The following ACACA variants were observed in gnomAD, a reference collection of about 807,000 sequenced individuals.
ACACA encodes acetyl-CoA carboxylase alpha, also known as acetyl-CoA carboxylase 1.
ACACA carries 103 observed loss-of-function variants against 296.1 expected under a neutral mutation model. That is an observed-to-expected ratio of 0.35 (90% CI 0.30 to 0.41). The LOEUF (loss-of-function observed/expected upper bound fraction) is 0.41. Ranked by LOEUF, ACACA falls within the 10% of genes least tolerant of loss-of-function variation. The pLI is 1.00. For missense variants in ACACA, 1,554 were observed against 2,989.7 expected (o/e 0.52, Z 11.20); for synonymous variants, 953 against 1,038.6 (o/e 0.92, Z 1.58).
intron 50 of ACACA, among the ~76,000 whole-genome samples, chr17:37,118,979 C>T (rs7215365): frequency 2.0e-5 from 3 of 151,882 alleles, no homozygotes; most frequent in Non-Finnish European, 4.4e-5. Flanking sequence ...TCTGAACTCC[C>T]GTTAGGATAA....
At chr17:37,143,991 G>A in intron 45 of ACACA, 1 of 827,036 alleles carries the variant, frequency 1.2e-6, no homozygotes, top group African/African-American at 1.7e-5. Flanking sequence ...ACAACAGGAA[G>A]AACGCTGAAG....
chr17:37,206,834 CTG>C lies in ACACA; in HGVS notation c.3895_3896del (p.Gln1299GlufsTer6). On this transcript the variant is annotated frameshift_variant, in exon 32 of 56. Transcript: ENST00000616317. LOFTEE classifies it high-confidence loss of function. Reference sequence around the variant, plus strand: ...GACCTGCCTCAGGGAATGTGGGACTCTGGGGTGGGGAGTCAGAGAAGCAGCCC... The same window carrying C: ...GACCTGCCTCAGGGAATGTGGGACTCGGGTGGGGAGTCAGAGAAGCAGCCC... ...VMGCFSDSPP[Q>X]SPTFPEAGHT... is the part of the protein sequence containing the mutation. 1 of 1,613,902 alleles carries C rather than the reference CTG, an allele frequency of 6.2e-7. No homozygotes were observed. The highest frequency in any genetic ancestry group is 8.5e-7 in the Non-Finnish European group (1 of 1,179,820).
intron 29 of ACACA, among the ~76,000 whole-genome samples, chr17:37,217,024 A>G (rs2079029451): frequency 1.3e-5 from 2 of 151,968 alleles, no homozygotes; most frequent in African/African-American, 4.8e-5. Flanking sequence ...GCACTTTGGG[A>G]GGCCGAGGCA....
chr17:37,390,169 T>C (rs1309026670), intron 1 of ACACA, among the ~76,000 whole-genome samples: 13,332 of 55,994 alleles, frequency 0.24, 2,447 homozygotes, highest in East Asian at 0.77. Flanking sequence ...TATATATATA[T>C]ATATATACAC....
intron 24 of ACACA, among the ~76,000 whole-genome samples, chr17:37,235,415 G>A (rs1286895954): frequency 6.6e-6 from 1 of 152,020 alleles, no homozygotes; most frequent in South Asian, 2.1e-4. Flanking sequence ...GGGGAGGTGG[G>A]TGTACCTTAA....
At chr17:37,096,690 CA>C (rs1440062185) in intron 54 of ACACA, among the ~76,000 whole-genome samples, 1 of 152,184 alleles carries the variant, frequency 6.6e-6, no homozygotes, top group Admixed American at 6.5e-5. Context: ...TGGATAGGAA[CA>C]ACATTTGCCT....
intron 41 of ACACA, among the ~76,000 whole-genome samples, chr17:37,164,969 G>A (rs1398073584): frequency 1.3e-5 from 2 of 152,122 alleles, no homozygotes; most frequent in African/African-American, 2.4e-5. Context: ...GACTCTAACT[G>A]TGTCACTTGG....
At chr17:37,172,731 T>C (rs1157054602) in intron 41 of ACACA, among the ~76,000 whole-genome samples, 1 of 152,220 alleles carries the variant, frequency 6.6e-6, no homozygotes, top group African/African-American at 2.4e-5. Flanking sequence ...TAATCATTTA[T>C]GGATAATCAT....
intron 24 of ACACA, among the ~76,000 whole-genome samples, chr17:37,237,657 T>C (rs1487330804): frequency 6.6e-6 from 1 of 152,228 alleles, no homozygotes; most frequent in African/African-American, 2.4e-5. Context: ...ATTTCTCTAT[T>C]AGGATGTCTT....
At chr17:37,397,101 T>C (rs1332724931) in intron 1 of ACACA, among the ~76,000 whole-genome samples, 2 of 149,226 alleles carry the variant, frequency 1.3e-5, no homozygotes, top group East Asian at 4.1e-4. Context: ...AGTGTTCTCA[T>C]TGTTCAATTT....
chr17:37,155,331 A>C (rs725038), intron 43 of ACACA, among the ~76,000 whole-genome samples: 51,543 of 152,016 alleles, frequency 0.34, 9,175 homozygotes, highest in East Asian at 0.44. Context: ...TTCTTGTTAT[A>C]ATCTCAATCA....
At chr17:37,172,359 A>G (rs2076914257) in intron 41 of ACACA, among the ~76,000 whole-genome samples, 1 of 152,194 alleles carries the variant, frequency 6.6e-6, no homozygotes, top group Non-Finnish European at 1.5e-5. Flanking sequence ...TCCAACACCA[A>G]TAATAGTCAT....
chr17:37,328,903 G>A (rs1335111433), intron 3 of ACACA: 1 of 398,360 alleles, frequency 2.5e-6, no homozygotes, highest in East Asian at 3.6e-5. Flanking sequence ...CTGGGGATGG[G>A]GCTTATCTCC....
intron 3 of ACACA, among the ~76,000 whole-genome samples, chr17:37,318,666 TAA>T (rs1330912673): frequency 6.6e-6 from 1 of 152,194 alleles, no homozygotes; most frequent in Non-Finnish European, 1.5e-5. Flanking sequence ...GCAAAAGACT[TAA>T]AGAGGTTTTT....
rs996281935 is a variant in ACACA, at chr17:37,168,093, G to A, written c.5080-6043C>T. ...GAGACTCAGCTTTCTAGCCATATAC[G>A]CTAAGGTAAGTTATCAACCTCCCTG... On this transcript the variant is annotated intron_variant, in intron 41 of 55. Transcript: ENST00000616317. Among the ~76,000 whole-genome samples the A allele has an allele frequency of 3.9e-5, 6 of 152,094 alleles. No homozygotes were observed. In the South Asian group the frequency reaches 8.3e-4, roughly 21 times the overall value.
At chr17:37,212,023 G>A (rs2078769647) in intron 29 of ACACA, among the ~76,000 whole-genome samples, 1 of 152,284 alleles carries the variant, frequency 6.6e-6, no homozygotes, top group Non-Finnish European at 1.5e-5. Context: ...ACTAACTGCA[G>A]ATGCTAATGA....
intron 1 of ACACA, chr17:37,385,965 A>T: frequency 7.5e-7 from 1 of 1,327,094 alleles, no homozygotes; most frequent in Non-Finnish European, 1.0e-6. Flanking sequence ...AAGGCAGGAT[A>T]AAGTTTTCCC....
chr17:37,153,850 G>A (rs930821714), intron 43 of ACACA, among the ~76,000 whole-genome samples: 4 of 151,784 alleles, frequency 2.6e-5, no homozygotes, highest in Middle Eastern at 6.8e-3. Context: ...ACTACAAAAC[G>A]TAAAAACAAA....
intron 3 of ACACA, among the ~76,000 whole-genome samples, chr17:37,327,743 T>C (rs2047686285): frequency 6.6e-6 from 1 of 152,242 alleles, no homozygotes; most frequent in Admixed American, 6.5e-5. Context: ...TGTGGTTTTA[T>C]GGATTTAGAG....
Sources: allele counts gnomAD v4.1 joint callset (sites outside exome capture counted in the v4.1 genomes callset), GRCh38; gene constraint gnomAD v4.1.1; transcripts MANE v1.5; gene names NCBI Gene and HGNC (gene_info 2026-07-23, HGNC 2026-07-21).